RBFOX1: variants seen among roughly 807,000 people sequenced by gnomAD.
The protein encoded by RBFOX1 is RNA binding protein fox-1 homolog 1.
Under a neutral mutation model 57.7 loss-of-function variants are expected in RBFOX1, and 8 were observed. That is an observed-to-expected ratio of 0.14 (90% CI 0.08 to 0.25). The LOEUF is 0.25. RBFOX1 is among the 10% of genes least tolerant of loss of function. The probability of loss-of-function intolerance (pLI) is 1.00; values close to 1 mark genes in which losing one functional copy is unlikely to be tolerated. For missense variants in RBFOX1, 611 were observed against 548.5 expected (o/e 1.11, Z -1.14); for synonymous variants, 326 against 222.4 (o/e 1.47, Z -4.15).
intron 3 of RBFOX1, among the ~76,000 whole-genome samples, chr16:6,661,278 T>G (rs1483154927): frequency 3.9e-5 from 6 of 152,202 alleles, no homozygotes; most frequent in African/African-American, 1.4e-4. Flanking sequence ...AGAGCTCCCA[T>G]GTGCCTAATT....
At chr16:7,020,474 C>T (rs931770966) in intron 3 of RBFOX1, among the ~76,000 whole-genome samples, 13 of 152,166 alleles carry the variant, frequency 8.5e-5, no homozygotes, top group Admixed American at 5.9e-4. Context: ...CTGCCTCAAC[C>T]TCCCAAAGTG....
At chr16:6,078,236 A>G (rs1473789803) in intron 1 of RBFOX1, among the ~76,000 whole-genome samples, 1 of 152,154 alleles carries the variant, frequency 6.6e-6, no homozygotes, top group Non-Finnish European at 1.5e-5. Flanking sequence ...TGCCATTGCT[A>G]TTAATATTAT....
chr16:7,600,786 A>T (rs8062549), intron 9 of RBFOX1, among the ~76,000 whole-genome samples: 73,283 of 152,090 alleles, frequency 0.48, 21,108 homozygotes, highest in Non-Finnish European at 0.63. Flanking sequence ...TCTAAATGTG[A>T]TGAGATACCT....
intron 7 of RBFOX1, among the ~76,000 whole-genome samples, chr16:7,593,992 A>T (rs967715575): frequency 9.9e-5 from 15 of 152,024 alleles, no homozygotes; most frequent in Admixed American, 7.9e-4. Flanking sequence ...TTGTTTTATT[A>T]TACTTTAAGT....
At chr16:6,261,049 C>T (rs1447488768) in intron 1 of RBFOX1, among the ~76,000 whole-genome samples, 4 of 152,146 alleles carry the variant, frequency 2.6e-5, no homozygotes, top group Admixed American at 2.0e-4. Context: ...GTGCTATCAT[C>T]AACTTGTATA....
chr16:5,887,370 C>T (rs1293243189), intron 4 of RBFOX1, among the ~76,000 whole-genome samples: 1 of 152,118 alleles, frequency 6.6e-6, no homozygotes, highest in Non-Finnish European at 1.5e-5. Flanking sequence ...CAATGGATTT[C>T]CTTCTACCTT....
At chr16:7,094,798 A>C in intron 4 of RBFOX1, among the ~76,000 whole-genome samples, 1 of 111,598 alleles carries the variant, frequency 9.0e-6, no homozygotes, top group Non-Finnish European at 2.1e-5. Flanking sequence ...GTGTTGAGAG[A>C]GAGAGAGATT....
chr16:7,686,016 C>G (rs573326025), intron 14 of RBFOX1, among the ~76,000 whole-genome samples: 9 of 152,054 alleles, frequency 5.9e-5, no homozygotes, highest in African/African-American at 2.2e-4. Flanking sequence ...CCTCAACTGC[C>G]TCATCTATAA....
At chr16:7,267,745 A>T (rs1271447046) in intron 4 of RBFOX1, among the ~76,000 whole-genome samples, 1 of 151,978 alleles carries the variant, frequency 6.6e-6, no homozygotes, top group African/African-American at 2.4e-5. Flanking sequence ...AGTCCCAGCT[A>T]CTTGGGAGGC....
intron 2 of RBFOX1, among the ~76,000 whole-genome samples, chr16:6,484,530 G>C (rs911491551): frequency 6.6e-6 from 1 of 152,138 alleles, no homozygotes; most frequent in South Asian, 2.1e-4. Context: ...TCAAGTGATG[G>C]AATGAACTGT....
In RBFOX1 at chr16:7,547,477, C is replaced by G. The variant is rs545913838; in HGVS notation, c.270+29088C>G. Among the ~76,000 whole-genome samples, 4 of 152,290 alleles carry G rather than the reference C, an allele frequency of 2.6e-5. No individual in the cohort carries two copies. In the East Asian group the frequency reaches 7.7e-4, roughly 29 times the overall value. ...GGGAAAGAAGAAAATGATCATCTGA[C>G]TGGGGCATTTAGTCCCTTCTGCAAG... On this transcript the variant is annotated intron_variant, in intron 5 of 15. Transcript: ENST00000550418.
chr16:6,854,684 T>TC (rs1475271648), intron 3 of RBFOX1, among the ~76,000 whole-genome samples: 1 of 137,220 alleles, frequency 7.3e-6, no homozygotes, highest in African/African-American at 2.8e-5. Context: ...AAGCTCCGCC[T>TC]CCTGGGTTCA....
chr16:6,053,613 T>C (rs2095579448), intron 1 of RBFOX1, among the ~76,000 whole-genome samples: 1 of 152,212 alleles, frequency 6.6e-6, no homozygotes, highest in African/African-American at 2.4e-5. Flanking sequence ...GTTGCGTAAA[T>C]AGTCATAATC....
intron 1 of RBFOX1, among the ~76,000 whole-genome samples, chr16:6,161,252 G>C (rs2096876531): frequency 6.6e-6 from 1 of 152,046 alleles, no homozygotes; most frequent in Admixed American, 6.6e-5. Flanking sequence ...AGCTTGGCAT[G>C]GTGGTGCACG....
chr16:5,863,647 A>T (rs1312924864), intron 3 of RBFOX1, among the ~76,000 whole-genome samples: 1 of 152,200 alleles, frequency 6.6e-6, no homozygotes, highest in East Asian at 1.9e-4. Context: ...CAGCGTAGAG[A>T]GGGTTCTAGA....
intron 3 of RBFOX1, among the ~76,000 whole-genome samples, chr16:6,887,777 C>G (rs563507300): frequency 1.1e-3 from 162 of 152,116 alleles, no homozygotes; most frequent in Non-Finnish European, 2.0e-3. Context: ...ATTCTCCAGC[C>G]TCAGCCTCCT....
At chr16:6,113,842 T>G (rs74004761) in intron 1 of RBFOX1, among the ~76,000 whole-genome samples, 6,226 of 152,242 alleles carry the variant, frequency 0.041, 323 homozygotes, top group East Asian at 0.26. Context: ...CATCTGTTAT[T>G]CCACTGCCAG....
chr16:7,401,644 A>T (rs1475590929), intron 4 of RBFOX1, among the ~76,000 whole-genome samples: 1 of 152,154 alleles, frequency 6.6e-6, no homozygotes, highest in Non-Finnish European at 1.5e-5. Context: ...CTTTGAACCC[A>T]CTTTTCATTA....
At chr16:6,032,911 G>A (rs1054741753) in intron 1 of RBFOX1, among the ~76,000 whole-genome samples, 1 of 141,824 alleles carries the variant, frequency 7.1e-6, no homozygotes, top group African/African-American at 2.6e-5. Flanking sequence ...CTCTCTCCCA[G>A]CCATTGTTCA....
Sources: gnomAD v4.1 joint callset for allele counts (sites outside exome capture counted in the v4.1 genomes callset) on GRCh38, gnomAD v4.1.1 for gene constraint, MANE v1.5 for transcripts, NCBI Gene and HGNC (gene_info 2026-07-23, HGNC 2026-07-21) for gene names.